Variants in DGKI observed in about 807,000 individuals in gnomAD.
The protein encoded by DGKI is DAG kinase iota.
DGKI carries 55 observed loss-of-function variants against 147.5 expected under a neutral mutation model. The ratio of observed to expected loss-of-function variants is 0.37; its 90% confidence interval spans 0.30 to 0.47. The LOEUF is 0.47. DGKI is among the 20% of genes least tolerant of loss of function. DGKI has a pLI of 1.00. For synonymous variants in DGKI, 469 were observed against 477.1 expected (o/e 0.98, Z 0.22); for missense variants, 1,007 against 1,323.8 (o/e 0.76, Z 3.71).
chr7:137,443,230 T>A (rs149978811), intron 28 of DGKI, among the ~76,000 whole-genome samples: 10 of 152,130 alleles, frequency 6.6e-5, no homozygotes, highest in Non-Finnish European at 1.2e-4. Context: ...CTGAACACAA[T>A]TATTGGTCGG....
At chr7:137,824,212 G>C (rs995700480) in intron 1 of DGKI, among the ~76,000 whole-genome samples, 6 of 152,162 alleles carry the variant, frequency 3.9e-5, no homozygotes, top group African/African-American at 1.4e-4. Flanking sequence ...AAGTATGGGA[G>C]AGACTTTGAA....
chr7:137,675,638 T>C (rs1164540433), intron 3 of DGKI, among the ~76,000 whole-genome samples: 6 of 133,074 alleles, frequency 4.5e-5, no homozygotes, highest in Non-Finnish European at 9.3e-5. Context: ...TGAGCCGAGA[T>C]CACACCACTG....
At chr7:137,519,888 A>T (rs1816905057) in intron 21 of DGKI, among the ~76,000 whole-genome samples, 1 of 152,082 alleles carries the variant, frequency 6.6e-6, no homozygotes, top group Admixed American at 6.6e-5. Flanking sequence ...AATCATTGGA[A>T]TGAATTTTTA....
At chr7:137,430,618 T>C (rs368535142) in intron 28 of DGKI, among the ~76,000 whole-genome samples, 1 of 152,100 alleles carries the variant, frequency 6.6e-6, no homozygotes, top group Non-Finnish European at 1.5e-5. Context: ...AATATGTATA[T>C]ACTTATACAT....
chr7:137,391,983 A>C (rs1394351098), intron 32 of DGKI, among the ~76,000 whole-genome samples: 2 of 152,196 alleles, frequency 1.3e-5, no homozygotes, highest in Admixed American at 6.5e-5. Context: ...ATCCCTAATC[A>C]TTCCACCAAA....
chr7:137,831,490 C>T (rs745819131), intron 1 of DGKI, among the ~76,000 whole-genome samples: 7 of 152,136 alleles, frequency 4.6e-5, no homozygotes, highest in African/African-American at 9.7e-5. Flanking sequence ...GTGGAAAACT[C>T]CCCCTTATAA....
At position 137,546,123 on chromosome 7, in the gene DGKI, G is replaced by T. The variant is rs1817857637; in HGVS notation, c.2147+6246C>A. Among the ~76,000 whole-genome samples the T allele has an allele frequency of 2.6e-5, 4 of 152,156 alleles. No homozygotes were observed. The South Asian group carries it at 8.3e-4, about 32-fold the overall frequency. On this transcript the variant is annotated intron_variant, in intron 20 of 32. Coordinates refer to ENST00000614521, the MANE Select transcript of DGKI (RefSeq NM_001321708.2). ...GGAAAGGAAAAGGAAAACCAAGCCA[G>T]CCACGGAAATAATCCAAAAAAAGCC...
intron 6 of DGKI, among the ~76,000 whole-genome samples, chr7:137,632,866 T>TAAACAAACAAAC (rs59720973): frequency 6.9e-6 from 1 of 145,102 alleles, no homozygotes; most frequent in Non-Finnish European, 1.5e-5. Flanking sequence ...CTCAAATAAA[T>TAAACAAACAAAC]AAACAAACAA....
At chr7:137,809,988 G>A (rs992133589) in intron 1 of DGKI, among the ~76,000 whole-genome samples, 2 of 152,176 alleles carry the variant, frequency 1.3e-5, no homozygotes, top group Non-Finnish European at 2.9e-5. Context: ...GCCATAAAAT[G>A]GTGCAGGAGT....
chr7:137,804,079 C>T (rs916522823), intron 1 of DGKI, among the ~76,000 whole-genome samples: 3 of 152,180 alleles, frequency 2.0e-5, no homozygotes, highest in African/African-American at 4.8e-5. Flanking sequence ...CAACAGTAAG[C>T]GCTTAGACCA....
intron 20 of DGKI, among the ~76,000 whole-genome samples, chr7:137,542,040 A>T (rs781181509): frequency 2.0e-5 from 3 of 152,204 alleles, no homozygotes; most frequent in Non-Finnish European, 4.4e-5. Context: ...CTCAAAGTTC[A>T]CAGGAAGAAA....
chr7:137,809,681 C>T (rs576818682), intron 1 of DGKI, among the ~76,000 whole-genome samples: 1 of 152,184 alleles, frequency 6.6e-6, no homozygotes, highest in East Asian at 1.9e-4. Context: ...CCAAGGAAGG[C>T]AGATTGCTTA....
At chr7:137,739,939 GTGT>G (rs1477656409) in intron 1 of DGKI, among the ~76,000 whole-genome samples, 1 of 152,160 alleles carries the variant, frequency 6.6e-6, no homozygotes, top group Non-Finnish European at 1.5e-5. Context: ...ATTCCCACTG[GTGT>G]TGCCCAGTGA....
At position 137,588,770 on chromosome 7, in the gene DGKI, C is replaced by A. The variant is rs572902616; in HGVS notation, c.1312-1560G>T. Among the ~76,000 whole-genome samples, 270 of 152,290 alleles carry A rather than the reference C, an allele frequency of 1.8e-3. 2 individuals are homozygous for A. The highest frequency in any genetic ancestry group is 3.2e-3 in the Non-Finnish European group (216 of 68,028). On this transcript the variant is annotated intron_variant, in intron 12 of 32. Transcript: ENST00000614521. ...GGATTACAGGCGTGAGCCACCGTGCCAGGCCCATACCGATGCCTTTCTATG... is the reference window on the plus strand; with the variant it reads ...GGATTACAGGCGTGAGCCACCGTGCAAGGCCCATACCGATGCCTTTCTATG...
At chr7:137,657,556 C>G (rs951316751) in intron 3 of DGKI, among the ~76,000 whole-genome samples, 2 of 152,176 alleles carry the variant, frequency 1.3e-5, no homozygotes, top group Non-Finnish European at 1.5e-5. Context: ...CTATAAAGGA[C>G]AGACTGGAAG....
At chr7:137,463,647 CAA>C (rs1563033853) in intron 26 of DGKI, 36 bp from the exon 27 acceptor site, 4 of 1,599,646 alleles carry the variant, frequency 2.5e-6, no homozygotes, top group Non-Finnish European at 3.4e-6. Context: ...GTTAAACATT[CAA>C]AGTCAGCCAC....
intron 21 of DGKI, among the ~76,000 whole-genome samples, chr7:137,517,296 AAAG>A (rs1180017043): frequency 1.5e-5 from 2 of 132,888 alleles, no homozygotes; most frequent in African/African-American, 6.1e-5. Flanking sequence ...AGAAAGAAAG[AAAG>A]AAAGAAAGAA....
chr7:137,597,696 C>A (rs1819844988), intron 12 of DGKI, 151 bp downstream of exon 12: 10 of 692,290 alleles, frequency 1.4e-5, no homozygotes, highest in Non-Finnish European at 2.5e-5. Context: ...TAACAAAGTC[C>A]CTTGTTACTC....
chr7:137,785,523 C>A (rs1452642889), intron 1 of DGKI, among the ~76,000 whole-genome samples: 5 of 151,778 alleles, frequency 3.3e-5, no homozygotes, highest in African/African-American at 1.2e-4. Context: ...CAGACAAATT[C>A]ACAGCTGAAT....
Sources: gnomAD v4.1 joint callset for allele counts (sites outside exome capture counted in the v4.1 genomes callset) on GRCh38, gnomAD v4.1.1 for gene constraint, MANE v1.5 for transcripts, NCBI Gene and HGNC (gene_info 2026-07-23, HGNC 2026-07-21) for gene names.